The following ERGIC1 variants were observed in gnomAD, a reference collection of about 807,000 sequenced individuals.
ERGIC1 encodes endoplasmic reticulum-golgi intermediate compartment 1.
Under a neutral mutation model 38.3 loss-of-function variants are expected in ERGIC1, and 19 were observed. That is an observed-to-expected ratio of 0.50 (90% CI 0.35 to 0.73). ERGIC1 has a LOEUF of 0.73. Among genes scored for constraint, ERGIC1 ranks in the 30% least tolerant of loss-of-function variants. The pLI, the probability that ERGIC1 is intolerant of heterozygous loss-of-function variation, is 0.01. For missense variants in ERGIC1, 294 were observed against 389.2 expected (o/e 0.76, Z 2.06); for synonymous variants, 124 against 157.6 (o/e 0.79, Z 1.60).
chr5:172,897,136 G>A lies in ERGIC1; in HGVS notation c.155+62G>A, dbSNP rs528351543. On this transcript the variant is annotated intron_variant, in intron 3 of 9. Transcript: ENST00000393784. ...TTCTGGGACCCCAGACAAGAAGAGG[G>A]AGGGGTCTTTGGCCAGGTTTGGTGG... 79 of 1,544,270 alleles carry A rather than the reference G, an allele frequency of 5.1e-5. No homozygotes were observed. In the South Asian group the frequency reaches 6.5e-4, roughly 13 times the overall value.
At chr5:172,864,372 A>T (rs1761798380) in intron 1 of ERGIC1, among the ~76,000 whole-genome samples, 2 of 150,074 alleles carry the variant, frequency 1.3e-5, no homozygotes, top group South Asian at 4.2e-4. Context: ...CCAGGGTTCA[A>T]ACGATTCTCA....
intron 9 of ERGIC1, 199 bp downstream of exon 9, chr5:172,935,509 G>A (rs770441570): frequency 8.3e-5 from 51 of 611,602 alleles, no homozygotes; most frequent in Non-Finnish European, 1.2e-4. Flanking sequence ...TATCGATGAC[G>A]TTTTGTCTAG....
intron 1 of ERGIC1, among the ~76,000 whole-genome samples, chr5:172,841,169 A>G (rs1444066379): frequency 6.6e-6 from 1 of 152,142 alleles, no homozygotes; most frequent in Non-Finnish European, 1.5e-5. Context: ...ACTTAATTAC[A>G]TTGATTGTAT....
chr5:172,856,499 C>T (rs1357082198), intron 1 of ERGIC1, among the ~76,000 whole-genome samples: 1 of 152,126 alleles, frequency 6.6e-6, no homozygotes, highest in Non-Finnish European at 1.5e-5. Context: ...GCCAAGGGCT[C>T]TGCGGCCTGA....
At chr5:172,919,465 AAC>A (rs1250695504) in intron 5 of ERGIC1, among the ~76,000 whole-genome samples, 1 of 152,038 alleles carries the variant, frequency 6.6e-6, no homozygotes, top group Non-Finnish European at 1.5e-5. Flanking sequence ...CCTCTTGGCA[AAC>A]ACGCCCAAGA....
At chr5:172,945,233 C>T (rs1237797882) in intron 9 of ERGIC1, among the ~76,000 whole-genome samples, 1 of 152,236 alleles carries the variant, frequency 6.6e-6, no homozygotes, top group African/African-American at 2.4e-5. Flanking sequence ...GGATGTTCTT[C>T]ATCACAAACA....
intron 8 of ERGIC1, chr5:172,934,557 A>G (rs1763845217): frequency 6.3e-6 from 1 of 159,672 alleles, no homozygotes; most frequent in African/African-American, 2.4e-5. Context: ...ACACACACAC[A>G]CTGGGACTCC....
At chr5:172,924,926 G>A (rs1348437617) in intron 6 of ERGIC1, among the ~76,000 whole-genome samples, 2 of 152,076 alleles carry the variant, frequency 1.3e-5, no homozygotes, top group Non-Finnish European at 2.9e-5. Context: ...GTCTAGGGGG[G>A]AAGACAGATG....
chr5:172,836,013 C>T (rs59827246), intron 1 of ERGIC1, among the ~76,000 whole-genome samples: 2 of 152,322 alleles, frequency 1.3e-5, no homozygotes, highest in African/African-American at 2.4e-5. Context: ...CCGCCCCCTG[C>T]CCCTGTGTGA....
intron 9 of ERGIC1, among the ~76,000 whole-genome samples, chr5:172,939,318 CTTTG>C (rs1014008409): frequency 6.6e-6 from 1 of 152,198 alleles, no homozygotes; most frequent in Admixed American, 6.5e-5. Context: ...GCGCCATCCC[CTTTG>C]TTTGGGAAGC....
intron 1 of ERGIC1, among the ~76,000 whole-genome samples, chr5:172,863,787 G>A (rs1761780071): frequency 6.6e-6 from 1 of 152,188 alleles, no homozygotes; most frequent in South Asian, 2.1e-4. Flanking sequence ...CACGGAGCTG[G>A]TACCTACTGT....
At chr5:172,852,100 G>A (rs1335868287) in intron 1 of ERGIC1, among the ~76,000 whole-genome samples, 1 of 152,026 alleles carries the variant, frequency 6.6e-6, no homozygotes, top group Admixed American at 6.6e-5. Context: ...AAAGCATCAG[G>A]TGCATTGCCA....
At chr5:172,876,599 C>T (rs1488742108) in intron 1 of ERGIC1, among the ~76,000 whole-genome samples, 2 of 152,086 alleles carry the variant, frequency 1.3e-5, no homozygotes, top group Non-Finnish European at 2.9e-5. Flanking sequence ...GAGGTATAAT[C>T]GACTTACAAT....
chr5:172,914,787 G>A lies in ERGIC1; in HGVS notation c.324G>A (p.Pro108=), dbSNP rs753288214. The A allele has an allele frequency of 1.4e-5, 22 of 1,614,034 alleles. No individual in the cohort carries two copies. The highest frequency in any genetic ancestry group is 1.5e-5 in the Non-Finnish European group (18 of 1,180,046). ...ACATCGACAACTCCATGAAGATCCCGCTGAACAATGGGGCAGGCTGCCGCT... is the reference window on the plus strand; with the variant it reads ...ACATCGACAACTCCATGAAGATCCCACTGAACAATGGGGCAGGCTGCCGCT... ...VGHIDNSMKI[P]LNNGAGCRFE... The change falls in exon 5 of 10, where the codon CCG becomes CCA. Residue 108 remains proline, a synonymous_variant. Transcript: ENST00000393784.
intron 3 of ERGIC1, chr5:172,898,176 G>T (rs1430732089): frequency 3.2e-6 from 1 of 311,250 alleles, no homozygotes. Flanking sequence ...GGGATTTCTT[G>T]GTTTCCTTTG....
chr5:172,848,258 TG>T (rs1371950268), intron 1 of ERGIC1, among the ~76,000 whole-genome samples: 1 of 152,210 alleles, frequency 6.6e-6, no homozygotes, highest in Non-Finnish European at 1.5e-5. Context: ...ACCTTCATGA[TG>T]GTTCCAGGCT....
At chr5:172,936,771 G>C (rs1170951214) in intron 9 of ERGIC1, 5 of 152,430 alleles carry the variant, frequency 3.3e-5, no homozygotes, top group Admixed American at 3.3e-4. Context: ...GCTGAGGCGG[G>C]AGGATCGCTT....
Position 172,848,568 on chromosome 5 carries a change from G to A in ERGIC1, c.20+14135G>A, listed in dbSNP as rs183749959. 2.6e-5 allele frequency among the ~76,000 whole-genome samples: 4 copies of A among 152,280 alleles called. No individual in the cohort carries two copies. The East Asian group carries it at 7.7e-4, about 29-fold the overall frequency. On this transcript the variant is annotated intron_variant, in intron 1 of 9. Coordinates refer to ENST00000393784, the MANE Select transcript of ERGIC1 (RefSeq NM_001031711.3). ...TTAGCACAGTTGCAGTGATTTGTTT[G>A]TGCAGTTTGTCATCTTGTGTCTGTC...
At chr5:172,843,369 G>A (rs541900007) in intron 1 of ERGIC1, among the ~76,000 whole-genome samples, 4 of 152,198 alleles carry the variant, frequency 2.6e-5, no homozygotes, top group African/African-American at 9.6e-5. Context: ...AGCTGGTGAG[G>A]TGCAGAGCTG....
Sources: allele counts gnomAD v4.1 joint callset (sites outside exome capture counted in the v4.1 genomes callset), GRCh38; gene constraint gnomAD v4.1.1; transcripts MANE v1.5; gene names NCBI Gene and HGNC (gene_info 2026-07-23, HGNC 2026-07-21).